The following ZCWPW1 variants were observed in gnomAD, a reference collection of about 807,000 sequenced individuals.
The protein encoded by ZCWPW1 is zinc finger CW-type PWWP domain protein 1.
A neutral mutation model predicts 81.3 loss-of-function variants in ZCWPW1; 56 were observed. The ratio of observed to expected loss-of-function variants is 0.69; its 90% CI spans 0.56 to 0.86. The LOEUF (loss-of-function observed/expected upper bound fraction) is 0.86, where lower values mean the gene tolerates loss of function less well. Among genes scored for constraint, ZCWPW1 ranks in the 40% least tolerant of loss-of-function variants. The pLI, the probability that ZCWPW1 is intolerant of heterozygous loss-of-function variation, is 0.00. For missense variants in ZCWPW1, 650 were observed against 769.8 expected (o/e 0.84, Z 1.84); for synonymous variants, 250 against 273.7 (o/e 0.91, Z 0.86).
intron 10 of ZCWPW1, 134 bp downstream of exon 10, chr7:100,408,405 T>C (rs1368062091): frequency 3.1e-6 from 4 of 1,287,810 alleles, no homozygotes; most frequent in African/African-American, 1.5e-5. Context: ...TACTTTATCT[T>C]TTCTCTCACC....
At chr7:100,402,770 A>G (rs1450998663) in intron 15 of ZCWPW1, among the ~76,000 whole-genome samples, 194 bp from the exon 16 acceptor site, 5 of 152,200 alleles carry the variant, frequency 3.3e-5, no homozygotes, top group Non-Finnish European at 7.3e-5. Flanking sequence ...GTATTCATCA[A>G]TGCAAGGCTT....
intron 12 of ZCWPW1, 123 bp from the exon 13 acceptor site, chr7:100,405,216 T>C (rs1225525700): frequency 1.2e-6 from 1 of 804,238 alleles, no homozygotes; most frequent in Non-Finnish European, 2.0e-6. Context: ...GATCACGAGG[T>C]CAGGAGTTCA....
chr7:100,427,470 T>C (rs1797846437), intron 1 of ZCWPW1, among the ~76,000 whole-genome samples: 2 of 149,622 alleles, frequency 1.3e-5, no homozygotes, highest in African/African-American at 4.9e-5. Flanking sequence ...GAGGCCAAGG[T>C]GGGCGGATCA....
At chr7:100,423,250 T>C (rs1278424178) in intron 2 of ZCWPW1, among the ~76,000 whole-genome samples, 1 of 152,212 alleles carries the variant, frequency 6.6e-6, no homozygotes, top group East Asian at 1.9e-4. Context: ...TCTATTCTAC[T>C]CAGTGATCTT....
intron 8 of ZCWPW1, 66 bp from the exon 9 acceptor site, chr7:100,409,610 A>G (rs1793777768): frequency 8.3e-7 from 1 of 1,204,304 alleles, no homozygotes; most frequent in African/African-American, 1.5e-5. Context: ...ATCCAACTAA[A>G]ATCAGGATAA....
rs1367223381 is a variant in ZCWPW1 at position 100,415,961 on chromosome 7, C to A, written c.754+14G>T. The A allele has an allele frequency of 6.2e-7, 1 of 1,613,676 alleles. No individual in the cohort carries two copies. The highest frequency in any genetic ancestry group is 1.1e-5 in the South Asian group (1 of 90,978). On this transcript the variant is annotated intron_variant, in intron 8 of 17. Coordinates refer to ENST00000684423, the MANE Select transcript of ZCWPW1 (RefSeq NM_001386010.1). ...TTTCAGGCCAAGTAGGTTTGCCAAA[C>A]CAGCTAAACTCACCAAAACCACTTA... is the stretch of plus-strand genomic sequence containing the variant.
At position 100,401,142 on chromosome 7, in the gene ZCWPW1, C is replaced by G; in HGVS notation, c.1822G>C (p.Glu608Gln). 1 of 1,614,240 alleles carries G rather than the reference C, an allele frequency of 6.2e-7. No individual in the cohort carries two copies. The highest frequency in any genetic ancestry group is 2.2e-5 in the East Asian group (1 of 44,888). ...TCCAGGTCCAGGTCACTGGAGGCTTCGTCCTCAAGGGGGACACTTCCAGCC... is the reference window on the plus strand; with the variant it reads ...TCCAGGTCCAGGTCACTGGAGGCTTGGTCCTCAAGGGGGACACTTCCAGCC... ...QEAGSVPLEDEASSDLDLEQL... is the reference protein window; with the variant it reads ...QEAGSVPLEDQASSDLDLEQL... The change falls in exon 18 of 18, where the codon GAA becomes CAA. Residue 608 changes from glutamate (E) to glutamine (Q), a missense_variant. Physicochemically the swap from Glu to Gln is conservative, Grantham distance 29. Coordinates refer to ENST00000684423, the MANE Select transcript of ZCWPW1 (RefSeq NM_001386010.1).
At chr7:100,410,204 CCTCT>C (rs1459726813) in intron 8 of ZCWPW1, among the ~76,000 whole-genome samples, 1 of 152,184 alleles carries the variant, frequency 6.6e-6, no homozygotes, top group Non-Finnish European at 1.5e-5. Flanking sequence ...CTCAGCCTCT[CCTCT>C]CTCCCACCAA....
intron 17 of ZCWPW1, among the ~76,000 whole-genome samples, chr7:100,401,563 A>C (rs965241271): frequency 1.3e-5 from 2 of 152,196 alleles, no homozygotes; most frequent in African/African-American, 4.8e-5. Flanking sequence ...GTTTTCTAAT[A>C]TCTAAAATGG....
At chr7:100,404,350 A>G in intron 13 of ZCWPW1, 106 bp from the exon 14 acceptor site, 1 of 1,026,884 alleles carries the variant, frequency 9.7e-7, no homozygotes, top group Admixed American at 2.2e-5. Context: ...TTCATTTTCC[A>G]TACCAAAATT....
At chr7:100,408,685 G>C in intron 9 of ZCWPW1, 26 bp from the exon 10 acceptor site, 1 of 1,606,806 alleles carries the variant, frequency 6.2e-7, no homozygotes, top group Non-Finnish European at 8.5e-7. Context: ...AGGAATGAAG[G>C]GACAGGAAGA....
intron 8 of ZCWPW1, among the ~76,000 whole-genome samples, chr7:100,413,103 G>C (rs1794548218): frequency 6.6e-6 from 1 of 152,064 alleles, no homozygotes; most frequent in South Asian, 2.1e-4. Flanking sequence ...CTTCTTAACT[G>C]GTCTATTCTT....
rs1406443616 is a variant in ZCWPW1, at chr7:100,402,004, G to A, written c.1512C>T (p.Gly504=). 4 of 1,613,832 alleles carry A rather than the reference G, an allele frequency of 2.5e-6. No individual in the cohort carries two copies. Among genetic ancestry groups the A allele is most frequent in the Non-Finnish European group, 1.7e-6 (2 of 1,179,866 alleles). ...GGDAGTADGR[G]RTLQRKIMKR... ...TCATTATCTTCCTCTGCAGTGTCCT[G>A]CCTCGGCCATCTGCTGTGCCTGCAT... Residue 504 remains glycine (G), a synonymous_variant, in exon 17 of 18, where the codon GGC becomes GGT. Transcript: ENST00000684423.
At chr7:100,427,585 G>A (rs2130949662) in intron 1 of ZCWPW1, among the ~76,000 whole-genome samples, 1 of 151,926 alleles carries the variant, frequency 6.6e-6, no homozygotes, top group East Asian at 1.9e-4. Context: ...TGTAGTCCCA[G>A]CTCCTCGGGA....
intron 8 of ZCWPW1, among the ~76,000 whole-genome samples, chr7:100,412,483 T>A (rs1794369878): frequency 6.6e-6 from 1 of 152,206 alleles, no homozygotes; most frequent in African/African-American, 2.4e-5. Flanking sequence ...CAGTATCTAA[T>A]TCATTACCAA....
chr7:100,406,441 G>A (rs904783472), intron 12 of ZCWPW1, among the ~76,000 whole-genome samples: 3 of 152,058 alleles, frequency 2.0e-5, no homozygotes, highest in African/African-American at 4.8e-5. Flanking sequence ...CACCTGCTTT[G>A]GCTAAACTGT....
At chr7:100,425,228 G>A (rs1257292013) in intron 1 of ZCWPW1, 92 bp from the exon 2 acceptor site, 1 of 152,072 alleles carries the variant, frequency 6.6e-6, no homozygotes, top group Admixed American at 6.5e-5. Context: ...AAATGACTAG[G>A]GGCTGTAGAC....
In ZCWPW1 at chr7:100,403,700, C is replaced by T. The variant is rs766413795; in HGVS notation, c.1407G>A (p.Glu469=). Residue 469 remains glutamate (E), a synonymous_variant, in exon 15 of 18, where the codon GAG becomes GAA. Transcript: ENST00000684423. ...KEEELEKEEG[E]KTDPILPIRK... is the part of the protein sequence containing the mutation. ...AAATTAAAGCTAATCTTACTGTTTT[C>T]TCTCCTTCCTCCTTTTCCAACTCTT... 4.3e-6 allele frequency: 7 copies of T among 1,611,584 alleles called. No homozygotes were observed. The highest frequency in any genetic ancestry group is 5.9e-6 in the Non-Finnish European group (7 of 1,178,668).
chr7:100,408,445 C>A, intron 10 of ZCWPW1, 94 bp downstream of exon 10: 1 of 1,511,678 alleles, frequency 6.6e-7, no homozygotes. Flanking sequence ...AGAACCATTT[C>A]AATTACAGAT....
Sources: gnomAD v4.1 joint callset for allele counts (sites outside exome capture counted in the v4.1 genomes callset) on GRCh38, gnomAD v4.1.1 for gene constraint, MANE v1.5 for transcripts, NCBI Gene and HGNC (gene_info 2026-07-23, HGNC 2026-07-21) for gene names.